SH3KBP1: variants seen among roughly 807,000 people sequenced by gnomAD.
The protein encoded by SH3KBP1 is SH3 domain containing kinase binding protein 1.
SH3KBP1 carries 8 observed loss-of-function variants against 50.1 expected under a neutral mutation model. The observed-to-expected ratio is 0.16, with a 90% CI of 0.09 to 0.29. SH3KBP1 has a LOEUF of 0.29. Among genes scored for constraint, SH3KBP1 ranks in the 10% least tolerant of loss-of-function variants. The pLI is 1.00. For synonymous variants in SH3KBP1, 227 were observed against 218.6 expected (o/e 1.04, Z -0.34); for missense variants, 377 against 535.2 (o/e 0.70, Z 2.92).
chrX:19,642,207 C>T (rs912062816), intron 7 of SH3KBP1, among the ~76,000 whole-genome samples: 1 of 111,683 alleles, frequency 9.0e-6, no homozygotes. Context: ...TATACTTCTC[C>T]ATTTGCTCAA....
In SH3KBP1 at chrX:19,534,870, G is replaced by C. The variant is rs2064669247; in HGVS notation, c.*1547C>G. The C allele has an allele frequency of 6.8e-6, 2 of 295,963 alleles. No individual in the cohort carries two copies. Among genetic ancestry groups the C allele is most frequent in the Admixed American group, 1.2e-4 (2 of 16,212 alleles). The allele number at this position is 295,963 out of a possible 1,213,427, so 24.4% of individuals were successfully genotyped here. A position where few individuals can be genotyped will look rare whatever the true frequency, so the allele number is the denominator to read the frequency against. ...AGGAAGGGAGGAAGAGAAAGGAAGA[G>C]ACATTTATTTGTAATACTATCAATG... is the stretch of plus-strand genomic sequence containing the variant. On this transcript the variant is annotated 3_prime_UTR_variant, in exon 18 of 18. Transcript: ENST00000397821.
chrX:19,730,882 A>G (rs1225995365), intron 3 of SH3KBP1, among the ~76,000 whole-genome samples: 2 of 112,214 alleles, frequency 1.8e-5, no homozygotes, highest in Non-Finnish European at 3.8e-5. Context: ...GTACACATCT[A>G]TATAGAAAAT....
intron 15 of SH3KBP1, among the ~76,000 whole-genome samples, chrX:19,544,052 A>T (rs1242219234): frequency 9.0e-6 from 1 of 110,861 alleles, no homozygotes; most frequent in Admixed American, 9.5e-5. Flanking sequence ...CCAGCGCAGG[A>T]GCCAAAAGGG....
chrX:19,844,201 C>T (rs1388668897), intron 1 of SH3KBP1, among the ~76,000 whole-genome samples: 1 of 111,262 alleles, frequency 9.0e-6, no homozygotes, highest in Non-Finnish European at 1.9e-5. Flanking sequence ...AGGGCTTCCC[C>T]GACATGCCCT....
At chrX:19,819,042 A>C (rs2067441524) in intron 2 of SH3KBP1, among the ~76,000 whole-genome samples, 1 of 111,880 alleles carries the variant, frequency 8.9e-6, no homozygotes, top group African/African-American at 3.2e-5. Flanking sequence ...CTAGGCCTGG[A>C]GATTTCTTTT....
chrX:19,695,737 T>C lies in SH3KBP1; in HGVS notation c.395A>G (p.Glu132Gly). 1 of 1,209,994 alleles carries C rather than the reference T, an allele frequency of 8.3e-7. No individual in the cohort carries two copies. Among genetic ancestry groups the C allele is most frequent in the Non-Finnish European group, 1.1e-6 (1 of 894,781 alleles). ...GDIIEVVGEV[E>G]EGWWEGVLNG... is the part of the protein sequence containing the mutation. ...GAGAACACCTTCCCACCATCCTTCCTCTACCTGCAGAGATACAAACAAAAG... is the reference window on the plus strand; with the variant it reads ...GAGAACACCTTCCCACCATCCTTCCCCTACCTGCAGAGATACAAACAAAAG... The change falls in exon 5 of 18, where the codon GAG (glutamate) becomes GGG (glycine). Residue 132 changes from glutamate (E) to glycine (G), a missense_variant. Glu to Gly is a moderately conservative substitution (Grantham distance 98). Coordinates refer to ENST00000397821, the MANE Select transcript of SH3KBP1 (RefSeq NM_031892.3).
At chrX:19,868,708 T>A in intron 1 of SH3KBP1, among the ~76,000 whole-genome samples, 1 of 104,026 alleles carries the variant, frequency 9.6e-6, no homozygotes, top group Non-Finnish European at 2.0e-5. Context: ...ACGATGGGTT[T>A]ATGGGGACAT....
chrX:19,541,940 A>G lies in SH3KBP1; in HGVS notation c.1877T>C (p.Met626Thr). 1 of 1,207,689 alleles carries G rather than the reference A, an allele frequency of 8.3e-7. No individual in the cohort carries two copies. The highest frequency in any genetic ancestry group is 1.1e-6 in the Non-Finnish European group (1 of 893,640). The change falls in exon 16 of 18, where the codon ATG becomes ACG. Residue 626 changes from methionine to threonine, a missense_variant. By Grantham distance (81) the Met-to-Thr change is moderately conservative. This residue lies in a region of SH3KBP1 where 110 missense variants were observed against 124.1 expected (regional missense o/e 0.89). Transcript: ENST00000397821. ...AGGCACTCACTTCTGCTGGTCCTTCATGGTCTCGATGATGCTCCTCAGCTC... is the reference window on the plus strand; with the variant it reads ...AGGCACTCACTTCTGCTGGTCCTTCGTGGTCTCGATGATGCTCCTCAGCTC... ...VRELRSIIET[M>T]KDQQKREIKQ...
At chrX:19,757,324 T>C (rs1267405696) in intron 2 of SH3KBP1, among the ~76,000 whole-genome samples, 1 of 110,007 alleles carries the variant, frequency 9.1e-6, no homozygotes. Context: ...CCCCATATTT[T>C]ACCCACAAGG....
rs370188131 is a variant in SH3KBP1 at position 19,791,404 on chromosome X, G to A, written c.162+44721C>T. ...GGGCACCAATTAAACAGAATAAGGTGCTGATATAGAAAGATGCATTAAGTA... is the reference window on the plus strand; with the variant it reads ...GGGCACCAATTAAACAGAATAAGGTACTGATATAGAAAGATGCATTAAGTA... On this transcript the variant is annotated intron_variant, in intron 2 of 17. Transcript: ENST00000397821. 1.1e-3 allele frequency among the ~76,000 whole-genome samples: 119 copies of A among 110,997 alleles called. 1 individual carries two copies. Among genetic ancestry groups the A allele is most frequent in the African/African-American group, 3.7e-3 (114 of 30,531 alleles).
intron 15 of SH3KBP1, among the ~76,000 whole-genome samples, chrX:19,543,443 G>C (rs1299474235): frequency 8.9e-6 from 1 of 111,773 alleles, no homozygotes; most frequent in Non-Finnish European, 1.9e-5. Context: ...GGAACGAAGT[G>C]GTTGCATGCG....
intron 13 of SH3KBP1, among the ~76,000 whole-genome samples, chrX:19,568,726 C>T (rs1569294280): frequency 2.7e-5 from 3 of 112,952 alleles, no homozygotes; most frequent in Non-Finnish European, 1.9e-5. Flanking sequence ...GTCAAAAGTG[C>T]TGTATCAACA....
At chrX:19,860,335 G>T (rs912603075) in intron 1 of SH3KBP1, among the ~76,000 whole-genome samples, 1 of 102,874 alleles carries the variant, frequency 9.7e-6, no homozygotes, top group African/African-American at 3.5e-5. Context: ...ACATGGATGA[G>T]CCTCAAAAGC....
At chrX:19,814,549 G>A (rs1211142453) in intron 2 of SH3KBP1, among the ~76,000 whole-genome samples, 3 of 111,493 alleles carry the variant, frequency 2.7e-5, no homozygotes, top group Non-Finnish European at 5.7e-5. Flanking sequence ...ACAAGCCAGG[G>A]ACACCCTCCT....
intron 3 of SH3KBP1, among the ~76,000 whole-genome samples, chrX:19,735,931 A>G (rs2064558036): frequency 9.1e-6 from 1 of 110,483 alleles, no homozygotes; most frequent in African/African-American, 3.3e-5. Flanking sequence ...TCACTGTGTT[A>G]GCCAGGATGG....
chrX:19,562,648 G>A (rs1467761432), intron 13 of SH3KBP1, among the ~76,000 whole-genome samples: 13 of 111,319 alleles, frequency 1.2e-4, no homozygotes, highest in Admixed American at 1.0e-3. Flanking sequence ...AATGATGAAC[G>A]AGAGCGCTGG....
intron 2 of SH3KBP1, among the ~76,000 whole-genome samples, chrX:19,799,403 A>T (rs990231305): frequency 1.8e-4 from 20 of 111,649 alleles, no homozygotes; most frequent in African/African-American, 6.5e-4. Context: ...CAGCCAAAGA[A>T]TCCACTTCTA....
intron 12 of SH3KBP1, among the ~76,000 whole-genome samples, chrX:19,576,344 T>G (rs776372196): frequency 9.1e-6 from 1 of 109,698 alleles, no homozygotes; most frequent in Non-Finnish European, 1.9e-5. Flanking sequence ...CTCACCCCCT[T>G]TGAGAATGAA....
At chrX:19,646,180 C>T (rs1330754566) in intron 6 of SH3KBP1, among the ~76,000 whole-genome samples, 1 of 111,980 alleles carries the variant, frequency 8.9e-6, no homozygotes, top group Non-Finnish European at 1.9e-5. Context: ...CCCTATGCTT[C>T]CACTGACTAG....
Sources: gnomAD v4.1 joint callset for allele counts (sites outside exome capture counted in the v4.1 genomes callset) on GRCh38, gnomAD v4.1.1 for gene constraint, gnomAD v4.1.1 regional missense constraint, MANE v1.5 for transcripts, NCBI Gene and HGNC (gene_info 2026-07-23, HGNC 2026-07-21) for gene names.